The following LRRIQ4 variants were observed in gnomAD, a reference collection of about 807,000 sequenced individuals.
LRRIQ4 encodes leucine rich repeats and IQ motif containing 4.
LRRIQ4 carries 21 observed loss-of-function variants against 40.1 expected under a neutral mutation model. The observed-to-expected ratio is 0.52, with a 90% CI of 0.37 to 0.75. The LOEUF is 0.75. Among genes scored for constraint, LRRIQ4 ranks in the 30% least tolerant of loss-of-function variants. The pLI is 0.00. For missense variants in LRRIQ4, 655 were observed against 660.0 expected, an observed-to-expected ratio of 0.99 and a Z score of 0.08; for synonymous variants, 277 against 277.1, an observed-to-expected ratio of 1.00 and a Z score of 0.00.
intron 2 of LRRIQ4, among the ~76,000 whole-genome samples, chr3:169,826,394 AAAAAAAAAAAAG>A (rs1780041591): frequency 6.7e-6 from 1 of 148,334 alleles, no homozygotes; most frequent in African/African-American, 2.5e-5. Flanking sequence ...CTCCGCCTCA[AAAAAAAAAAAAG>A]AAAAAGAAAA....
chr3:169,836,953 G>T (rs34058457), intron 5 of LRRIQ4, among the ~76,000 whole-genome samples: 38,117 of 152,044 alleles, frequency 0.25, 5,491 homozygotes, highest in East Asian at 0.62. Context: ...TCTATTCAGA[G>T]AGAAATGGGG....
At chr3:169,837,260 T>C (rs1780324275) in intron 5 of LRRIQ4, among the ~76,000 whole-genome samples, 1 of 152,236 alleles carries the variant, frequency 6.6e-6, no homozygotes, top group South Asian at 2.1e-4. Context: ...CCCAAAAGTC[T>C]AGAACAGGCA....
At chr3:169,820,498 A>G (rs114218220) in intron 1 of LRRIQ4, among the ~76,000 whole-genome samples, 2,227 of 151,612 alleles carry the variant, frequency 0.015, 60 homozygotes, top group African/African-American at 0.051. Flanking sequence ...CTAACATTGC[A>G]TAAAAACTAT....
Position 169,829,343 on chromosome 3 carries a change from C to G in LRRIQ4, c.1194+411C>G, listed in dbSNP as rs142248208. On this transcript the variant is annotated intron_variant, in intron 3 of 5. Transcript: ENST00000340806. The stretch of plus-strand genomic sequence containing the variant: ...GGATTTCCTGTAAGGGGAAGTGTGA[C>G]CTCTCTCCCTGATTGGAAAAGGGAA... Among the ~76,000 whole-genome samples the G allele has an allele frequency of 2.6e-3, 389 of 152,244 alleles. 3 individuals carry two copies. Among genetic ancestry groups the G allele is most frequent in the African/African-American group, 8.9e-3 (368 of 41,546 alleles).
chr3:169,815,380 G>A (rs1021091561), intron 1 of LRRIQ4, among the ~76,000 whole-genome samples: 2 of 151,780 alleles, frequency 1.3e-5, no homozygotes, highest in Non-Finnish European at 2.9e-5. Context: ...TTGTTCTTAG[G>A]TATTTTATTT....
chr3:169,830,377 GAAAAAAAAAAAAAAAAAAAA>G lies in LRRIQ4; in HGVS notation c.1195-102_1195-83del, dbSNP rs56795981. ...AATGCGTAATTTCCCCACTGAAAGTGAAAAAAAAAAAAAAAAAAAAAAAAAAAAAAAATGCATGAGCACCC... is the reference window on the plus strand; with the variant it reads ...AATGCGTAATTTCCCCACTGAAAGTGAAAAAAAAAAAATGCATGAGCACCC... On this transcript the variant is annotated intron_variant, in intron 3 of 5. Coordinates refer to ENST00000340806, the MANE Select transcript of LRRIQ4 (RefSeq NM_001080460.3). 47 of 106,652 alleles carry G rather than the reference GAAAAAAAAAAAAAAAAAAAA, an allele frequency of 4.4e-4. 1 individual carries two copies. Among genetic ancestry groups the G allele is most frequent in the African/African-American group, 2.1e-3 (36 of 17,206 alleles). The allele number at this position is 106,652 out of a possible 1,614,324, so 6.6% of individuals were successfully genotyped here.
intron 2 of LRRIQ4, among the ~76,000 whole-genome samples, chr3:169,828,003 G>T (rs1388785595): frequency 6.6e-6 from 1 of 152,118 alleles, no homozygotes; most frequent in African/African-American, 2.4e-5. Flanking sequence ...GATTAGAAAT[G>T]GTGTGAATAT....
intron 1 of LRRIQ4, among the ~76,000 whole-genome samples, chr3:169,821,604 C>T (rs1779891193): frequency 2.0e-5 from 3 of 152,084 alleles, no homozygotes; most frequent in African/African-American, 7.2e-5. Context: ...CACACCATTG[C>T]ACTCCAGCCT....
chr3:169,822,092 T>A lies in LRRIQ4; in HGVS notation c.171T>A (p.Asn57Lys). ...AATTAGAAGAAGTGCATTTGGAGAA[T>A]AACCAGATTGAAGAAATTCCCCAGG... ...FTELEEVHLE[N>K]NQIEEIPQEI... is the part of the protein sequence containing the mutation. Residue 57 changes from asparagine (N) to lysine (K), a missense_variant, in exon 2 of 6, where the codon AAT becomes AAA. Physicochemically the swap from Asn to Lys is moderately conservative, Grantham distance 94 (BLOSUM62 0). Coordinates refer to ENST00000340806, the MANE Select transcript of LRRIQ4 (RefSeq NM_001080460.3). The A allele has an allele frequency of 1.2e-6, 2 of 1,609,146 alleles. No homozygotes were observed. The highest frequency in any genetic ancestry group is 1.7e-6 in the Non-Finnish European group (2 of 1,178,748).
In LRRIQ4 at chr3:169,814,010, G is replaced by A. The variant is rs114324991; in HGVS notation, c.-32+964G>A. On this transcript the variant is annotated intron_variant, in intron 1 of 5. Coordinates refer to ENST00000340806, the MANE Select transcript of LRRIQ4 (RefSeq NM_001080460.3). Reference sequence around the variant, plus strand: ...CCCCAGTAGGCGTGTGTTACAGGGTGCTCTTTCAGTTTTGCTGTGTATAGG... The same window carrying A: ...CCCCAGTAGGCGTGTGTTACAGGGTACTCTTTCAGTTTTGCTGTGTATAGG... 5.6e-3 allele frequency among the ~76,000 whole-genome samples: 849 copies of A among 152,250 alleles called. 12 individuals carry two copies. Among genetic ancestry groups the A allele is most frequent in the African/African-American group, 0.02 (814 of 41,536 alleles).
intron 4 of LRRIQ4, among the ~76,000 whole-genome samples, chr3:169,831,737 G>T (rs2108184034): frequency 6.6e-6 from 1 of 151,620 alleles, no homozygotes; most frequent in African/African-American, 2.4e-5. Context: ...GGGACGCCGA[G>T]GAGGGCAGAT....
intron 2 of LRRIQ4, 60 bp downstream of exon 2, chr3:169,823,001 T>C: frequency 1.4e-6 from 2 of 1,418,888 alleles, no homozygotes; most frequent in East Asian, 2.5e-5. Flanking sequence ...CTGCCCTAAG[T>C]TGGTTCTGTA....
intron 1 of LRRIQ4, among the ~76,000 whole-genome samples, chr3:169,821,603 G>T (rs1285388615): frequency 6.6e-6 from 1 of 152,036 alleles, no homozygotes; most frequent in African/African-American, 2.4e-5. Flanking sequence ...TCACACCATT[G>T]CACTCCAGCC....
At chr3:169,813,756 T>C (rs926352213) in intron 1 of LRRIQ4, among the ~76,000 whole-genome samples, 1 of 152,240 alleles carries the variant, frequency 6.6e-6, no homozygotes, top group African/African-American at 2.4e-5. Flanking sequence ...TCATTTTCAG[T>C]AAATCCCTTC....
chr3:169,831,335 G>T (rs547300903), intron 4 of LRRIQ4, among the ~76,000 whole-genome samples: 1 of 127,408 alleles, frequency 7.8e-6, no homozygotes, highest in Non-Finnish European at 1.6e-5. Flanking sequence ...GTGCAGTGGC[G>T]TGATCTCGGC....
rs767894017 is a variant in LRRIQ4 at position 169,833,133 on chromosome 3, A to G, written c.1480A>G (p.Ile494Val). The change falls in exon 5 of 6, where the codon ATA becomes GTA. Residue 494 changes from isoleucine (I) to valine (V), a missense_variant. Physicochemically the swap from Ile to Val is conservative, Grantham distance 29 (BLOSUM62 3). Transcript: ENST00000340806. ...AGTGTGTGCTGAAGGCAATGAGGCCATATGGAAATACCTCAAGGAAAACAG... is the reference window on the plus strand; with the variant it reads ...AGTGTGTGCTGAAGGCAATGAGGCCGTATGGAAATACCTCAAGGAAAACAG... ...KEVCAEGNEA[I>V]WKYLKENRNR... The G allele has an allele frequency of 1.9e-6, 3 of 1,614,016 alleles. No individual in the cohort carries two copies. Among genetic ancestry groups the G allele is most frequent in the Non-Finnish European group, 2.5e-6 (3 of 1,179,874 alleles).
chr3:169,826,127 C>T (rs1780035658), intron 2 of LRRIQ4, among the ~76,000 whole-genome samples: 1 of 152,136 alleles, frequency 6.6e-6, no homozygotes, highest in South Asian at 2.1e-4. Context: ...TGCGGTGACT[C>T]ACGCCTGTAA....
intron 1 of LRRIQ4, among the ~76,000 whole-genome samples, chr3:169,816,327 T>C (rs1369680197): frequency 6.6e-6 from 1 of 152,220 alleles, no homozygotes; most frequent in Non-Finnish European, 1.5e-5. Flanking sequence ...ATTATGACTT[T>C]GATCTTTTTA....
intron 1 of LRRIQ4, 61 bp from the exon 2 acceptor site, chr3:169,821,830 G>T: frequency 1.2e-6 from 1 of 825,192 alleles, no homozygotes; most frequent in Non-Finnish European, 1.7e-6. Flanking sequence ...TTTTTCTTAA[G>T]GATAGCAAGT....
Sources: gnomAD v4.1 joint callset for allele counts (sites outside exome capture counted in the v4.1 genomes callset) on GRCh38, gnomAD v4.1.1 for gene constraint, MANE v1.5 for transcripts, NCBI Gene and HGNC (gene_info 2026-07-23, HGNC 2026-07-21) for gene names.